PCYT1A: variants seen among roughly 807,000 people sequenced by gnomAD.
PCYT1A encodes phosphate cytidylyltransferase 1A, choline.
Under a neutral mutation model 43.7 loss-of-function variants are expected in PCYT1A, and 25 were observed. The observed-to-expected ratio is 0.57, with a 90% CI of 0.42 to 0.80. The LOEUF (loss-of-function observed/expected upper bound fraction) is 0.80. PCYT1A is among the 30% of genes least tolerant of loss of function. PCYT1A has a pLI of 0.00. For missense variants in PCYT1A, 421 were observed against 474.2 expected, an observed-to-expected ratio of 0.89 and a Z score of 1.04; for synonymous variants, 172 against 170.7, an observed-to-expected ratio of 1.01 and a Z score of -0.06.
chr3:196,273,625 C>A lies in PCYT1A; in HGVS notation c.-10-3084G>T, dbSNP rs1354551482. Among the ~76,000 whole-genome samples, 2 of 151,482 alleles carry A rather than the reference C, an allele frequency of 1.3e-5. No homozygotes were observed. The highest frequency in any genetic ancestry group is 2.9e-5 in the Non-Finnish European group (2 of 68,008). On this transcript the variant is annotated intron_variant, in intron 1 of 8. Coordinates refer to ENST00000431016, the MANE Select transcript of PCYT1A (RefSeq NM_001312673.2). This position sits in a 1 kb window ranked among gnomAD's most constrained non-coding sequence, Gnocchi z 4.1. ...CAGGCAGGTCATCCTGACGTCTCTGCAGCCCTCAGTGGAGAGGAGACCTGG... is the reference window on the plus strand; with the variant it reads ...CAGGCAGGTCATCCTGACGTCTCTGAAGCCCTCAGTGGAGAGGAGACCTGG...
rs919933321 is a variant in PCYT1A, at chr3:196,277,801, G to A, written c.-10-7260C>T. The stretch of plus-strand genomic sequence containing the variant: ...CAGGAGGATCACTTGATCCCTGGAG[G>A]TGGAGGTTGCAGTGAGCCTAAATCG... On this transcript the variant is annotated intron_variant, in intron 1 of 8. Transcript: ENST00000431016. This position sits in a 1 kb window ranked among gnomAD's most constrained non-coding sequence, Gnocchi z 4.1. Among the ~76,000 whole-genome samples the A allele has an allele frequency of 3.3e-5, 5 of 152,228 alleles. No individual in the cohort carries two copies. Among genetic ancestry groups the A allele is most frequent in the African/African-American group, 1.2e-4 (5 of 41,458 alleles).
intron 7 of PCYT1A, chr3:196,240,080 A>G: frequency 4.2e-6 from 1 of 238,748 alleles, no homozygotes; most frequent in Admixed American, 5.0e-5. Context: ...TTCCAGACGG[A>G]GATACAGAGG....
intron 1 of PCYT1A, among the ~76,000 whole-genome samples, chr3:196,278,980 C>CAA (rs148985648): frequency 0.02 from 1,035 of 51,536 alleles, 37 homozygotes; most frequent in African/African-American, 0.074. Flanking sequence ...GACCTCATCT[C>CAA]AAAAAAAAAA....
At position 196,247,469 on chromosome 3, in the gene PCYT1A, G is replaced by A. The variant is rs201068098; in HGVS notation, c.384C>T (p.Asn128=). 3.4e-4 allele frequency: 552 copies of A among 1,613,972 alleles called. No homozygotes were observed. The highest frequency in any genetic ancestry group is 4.3e-4 in the Non-Finnish European group (504 of 1,179,964). ...GGACTGCGTCATAGCGCTCATTCTC[G>A]TTCATCACCGTGAAGCCTTTGAAGT... ...THNFKGFTVM[N]ENERYDAVQH... The change falls in exon 5 of 9, where the codon AAC becomes AAT. Residue 128 remains asparagine, a synonymous_variant. Transcript: ENST00000431016. The surrounding 1 kb of genome is among the most constrained non-coding windows in gnomAD (Gnocchi z 4.8).
intron 3 of PCYT1A, among the ~76,000 whole-genome samples, chr3:196,250,300 T>C (rs1372853641): frequency 1.3e-5 from 2 of 149,218 alleles, no homozygotes; most frequent in Non-Finnish European, 3.0e-5. Context: ...CCAGATACAC[T>C]ATGCTGAGGC....
intron 2 of PCYT1A, among the ~76,000 whole-genome samples, chr3:196,263,964 T>A (rs1725195620): frequency 6.6e-6 from 1 of 152,156 alleles, no homozygotes; most frequent in African/African-American, 2.4e-5. Flanking sequence ...AGAAAAGCAA[T>A]CATTCTCCCT....
At chr3:196,249,720 C>G (rs1724686886) in intron 3 of PCYT1A, among the ~76,000 whole-genome samples, 1 of 152,198 alleles carries the variant, frequency 6.6e-6, no homozygotes, top group Non-Finnish European at 1.5e-5. Context: ...CTGACAGGAG[C>G]ATTTACATCA....
At chr3:196,256,519 C>T (rs757067223) in intron 3 of PCYT1A, among the ~76,000 whole-genome samples, 13 of 152,108 alleles carry the variant, frequency 8.5e-5, no homozygotes, top group Admixed American at 3.9e-4. Flanking sequence ...CAGTATGACA[C>T]TGTACATCAC....
chr3:196,261,218 G>A (rs1440166230), intron 2 of PCYT1A, among the ~76,000 whole-genome samples: 4 of 152,162 alleles, frequency 2.6e-5, no homozygotes, highest in African/African-American at 9.7e-5. Context: ...AATACAGGGG[G>A]TTTCTTTTTG....
chr3:196,281,062 C>A (rs907195541), intron 1 of PCYT1A, among the ~76,000 whole-genome samples: 1 of 152,238 alleles, frequency 6.6e-6, no homozygotes, highest in African/African-American at 2.4e-5. Context: ...TCTAGGCCTA[C>A]ATTATCTTCC....
chr3:196,272,460 AGGCGT>A, intron 1 of PCYT1A, among the ~76,000 whole-genome samples: 1 of 152,316 alleles, frequency 6.6e-6, no homozygotes, highest in East Asian at 1.9e-4. Flanking sequence ...CTGAAATTAC[AGGCGT>A]GAGCCATGGC....
chr3:196,275,604 A>C (rs1218652377), intron 1 of PCYT1A, among the ~76,000 whole-genome samples: 1 of 151,982 alleles, frequency 6.6e-6, no homozygotes, highest in African/African-American at 2.4e-5. Flanking sequence ...GTGGTGGCGC[A>C]TATCTGTAAT....
At chr3:196,265,460 T>G (rs771232969) in intron 2 of PCYT1A, among the ~76,000 whole-genome samples, 127 of 152,332 alleles carry the variant, frequency 8.3e-4, no homozygotes, top group Middle Eastern at 3.4e-3. Flanking sequence ...TATCAATAAA[T>G]GATTTATACT....
intron 1 of PCYT1A, among the ~76,000 whole-genome samples, chr3:196,280,110 C>T (rs896906488): frequency 1.3e-5 from 2 of 152,100 alleles, no homozygotes; most frequent in African/African-American, 2.4e-5. Context: ...GGATTACAGG[C>T]GTGAGCCACC....
intron 1 of PCYT1A, among the ~76,000 whole-genome samples, chr3:196,286,428 T>G (rs1221908807): frequency 6.6e-6 from 1 of 152,182 alleles, no homozygotes; most frequent in Non-Finnish European, 1.5e-5. Context: ...AAAAGAAAAC[T>G]CAGAAATCAT....
At chr3:196,269,176 A>C (rs1429201412) in intron 2 of PCYT1A, among the ~76,000 whole-genome samples, 5 of 152,240 alleles carry the variant, frequency 3.3e-5, no homozygotes, top group Admixed American at 6.5e-5. Flanking sequence ...GTATTATGGT[A>C]ATTTGTTACA....
At chr3:196,258,778 A>G (rs1402325041) in intron 2 of PCYT1A, among the ~76,000 whole-genome samples, 2 of 151,598 alleles carry the variant, frequency 1.3e-5, no homozygotes, top group African/African-American at 4.8e-5. Context: ...TGTAGAGACA[A>G]GGTCTCACTA....
At position 196,244,537 on chromosome 3, in the gene PCYT1A, C is replaced by T. The variant is rs181881734; in HGVS notation, c.487-1897G>A. On this transcript the variant is annotated intron_variant, in intron 5 of 8. Transcript: ENST00000431016. ...GTGAGGGGCGCCTCTGCCCGGCCGC[C>T]CCTACTGGGAGGTGAGGAGCCCCTC... Among the ~76,000 whole-genome samples the T allele has an allele frequency of 6.4e-3, 975 of 152,048 alleles. 3 individuals are homozygous for T. Among genetic ancestry groups the T allele is most frequent in the Non-Finnish European group, 0.01 (707 of 67,950 alleles).
At chr3:196,243,555 CTCTT>C (rs1724434755) in intron 5 of PCYT1A, among the ~76,000 whole-genome samples, 1 of 151,854 alleles carries the variant, frequency 6.6e-6, no homozygotes, top group Non-Finnish European at 1.5e-5. Flanking sequence ...CCCTCTCCCT[CTCTT>C]TCTATGGTCT....
Sources: gnomAD v4.1 joint callset for allele counts (sites outside exome capture counted in the v4.1 genomes callset) on GRCh38, gnomAD v4.1.1 for gene constraint, Gnocchi (gnomAD v3.1) non-coding constraint, MANE v1.5 for transcripts, NCBI Gene and HGNC (gene_info 2026-07-23, HGNC 2026-07-21) for gene names.